Variants in TINAG observed in about 807,000 individuals in gnomAD.
TINAG encodes tubulointerstitial nephritis antigen.
A neutral mutation model predicts 72.7 loss-of-function variants in TINAG; 83 were observed. The observed-to-expected ratio is 1.14, with a 90% CI of 0.96 to 1.37. The LOEUF is 1.37. TINAG is among the 40% of genes most tolerant of loss of function. The probability of loss-of-function intolerance (pLI) is 0.00; values close to 1 mark genes in which losing one functional copy is unlikely to be tolerated. For missense variants in TINAG, 685 were observed against 576.6 expected (o/e 1.19, Z -1.93); for synonymous variants, 234 against 189.9 (o/e 1.23, Z -1.91).
At chr6:54,377,579 T>A (rs748050655) in intron 9 of TINAG, among the ~76,000 whole-genome samples, 2 of 151,990 alleles carry the variant, frequency 1.3e-5, no homozygotes, top group Non-Finnish European at 2.9e-5. Context: ...TCTAAACAAA[T>A]GTTTGTAAAT....
At chr6:54,326,950 T>C in intron 4 of TINAG, 34 bp downstream of exon 4, 1 of 1,612,712 alleles carries the variant, frequency 6.2e-7, no homozygotes, top group African/African-American at 1.3e-5. Context: ...TATGTGCATG[T>C]ATTTGTAAAA....
At chr6:54,354,162 T>C (rs551225516) in intron 8 of TINAG, among the ~76,000 whole-genome samples, 30 of 151,996 alleles carry the variant, frequency 2.0e-4, no homozygotes, top group Admixed American at 5.3e-4. Flanking sequence ...AAAAGGCTTG[T>C]GGTAAAGCAC....
intron 4 of TINAG, among the ~76,000 whole-genome samples, chr6:54,339,414 C>T (rs1011374748): frequency 6.6e-6 from 1 of 152,014 alleles, no homozygotes; most frequent in African/African-American, 2.4e-5. Flanking sequence ...ACATTTCTGC[C>T]AACAGAAAAA....
intron 10 of TINAG, among the ~76,000 whole-genome samples, chr6:54,388,968 A>G (rs965043578): frequency 6.6e-6 from 1 of 152,122 alleles, no homozygotes; most frequent in Non-Finnish European, 1.5e-5. Flanking sequence ...TTGATGTCAT[A>G]TAGGATAATG....
chr6:54,356,841 A>G (rs1203558252), intron 9 of TINAG, among the ~76,000 whole-genome samples: 1 of 151,716 alleles, frequency 6.6e-6, no homozygotes, highest in African/African-American at 2.4e-5. Flanking sequence ...GGACATGCAG[A>G]AGCAATTTCT....
At chr6:54,385,807 G>T (rs778574320) in intron 10 of TINAG, among the ~76,000 whole-genome samples, 5 of 150,330 alleles carry the variant, frequency 3.3e-5, no homozygotes, top group Non-Finnish European at 4.4e-5. Flanking sequence ...GGAATGCAAG[G>T]TTGGTTTCAA....
intron 4 of TINAG, among the ~76,000 whole-genome samples, chr6:54,329,726 C>T (rs1009928458): frequency 1.3e-5 from 2 of 151,856 alleles, no homozygotes; most frequent in Admixed American, 1.3e-4. Flanking sequence ...ATTCAGGAGA[C>T]CCATCTCACA....
At chr6:54,387,094 CT>C (rs1764119400) in intron 10 of TINAG, among the ~76,000 whole-genome samples, 1 of 152,072 alleles carries the variant, frequency 6.6e-6, no homozygotes, top group Non-Finnish European at 1.5e-5. Flanking sequence ...TAAAATAGAA[CT>C]CTTAAACAGA....
chr6:54,345,926 A>G (rs1460426511), intron 5 of TINAG, among the ~76,000 whole-genome samples: 8 of 151,930 alleles, frequency 5.3e-5, no homozygotes, highest in Admixed American at 2.0e-4. Context: ...GGACACTAAC[A>G]ATTTTGATGA....
rs531393622 is a variant in TINAG at position 54,373,295 on chromosome 6, T to C, written c.1251-7231T>C. On this transcript the variant is annotated intron_variant, in intron 9 of 10. Coordinates refer to ENST00000259782, the MANE Select transcript of TINAG (RefSeq NM_014464.4). ...TCTCTTCCAAAACTTTCACGATTTCTCTGTGAATGCATGAAGGCCACCTCC... is the reference window on the plus strand; with the variant it reads ...TCTCTTCCAAAACTTTCACGATTTCCCTGTGAATGCATGAAGGCCACCTCC... Among the ~76,000 whole-genome samples, 4 of 152,258 alleles carry C rather than the reference T, an allele frequency of 2.6e-5. No homozygotes were observed. The East Asian group carries it at 7.7e-4, about 29-fold the overall frequency.
chr6:54,347,387 G>T lies in TINAG; in HGVS notation c.769G>T (p.Ala257Ser). Residue 257 changes from alanine to serine, a missense_variant, in exon 6 of 11, where the codon GCA becomes TCA. Physicochemically the swap from Ala to Ser is moderately conservative, Grantham distance 99 (BLOSUM62 1). Transcript: ENST00000259782. ...AACAGGTGTGGCTGCTGACCGAATA[G>T]CAATTCAGTCTAAGGGTCGATACAC... The part of the protein sequence containing the change: ...STASVAADRI[A>S]IQSKGRYTAN... 6.2e-7 allele frequency: 1 copy of T among 1,612,660 alleles called. No homozygotes were observed. Among genetic ancestry groups the T allele is most frequent in the Non-Finnish European group, 8.5e-7 (1 of 1,179,270 alleles).
At chr6:54,378,224 C>G (rs892592974) in intron 9 of TINAG, among the ~76,000 whole-genome samples, 1 of 152,026 alleles carries the variant, frequency 6.6e-6, no homozygotes, top group Non-Finnish European at 1.5e-5. Flanking sequence ...AGGTTAACAC[C>G]TTTTGTTAAT....
intron 9 of TINAG, 42 bp from the exon 10 acceptor site, chr6:54,380,484 C>A: frequency 6.4e-7 from 1 of 1,554,952 alleles, no homozygotes; most frequent in Non-Finnish European, 8.8e-7. Context: ...GCAAACCAAA[C>A]ATTTTAACCA....
chr6:54,366,853 G>GT (rs1763441763), intron 9 of TINAG, among the ~76,000 whole-genome samples: 1 of 151,588 alleles, frequency 6.6e-6, no homozygotes, highest in Non-Finnish European at 1.5e-5. Flanking sequence ...AGCAGGAAAT[G>GT]CCTAATCTCA....
intron 9 of TINAG, among the ~76,000 whole-genome samples, chr6:54,375,288 T>C (rs1763746446): frequency 1.3e-5 from 2 of 152,144 alleles, no homozygotes; most frequent in Non-Finnish European, 2.9e-5. Context: ...TTCTTTGTTC[T>C]TAGGCTTATT....
chr6:54,343,460 A>T, intron 5 of TINAG, 111 bp downstream of exon 5: 1 of 1,028,190 alleles, frequency 9.7e-7, no homozygotes, highest in Non-Finnish European at 1.3e-6. Flanking sequence ...TTAGCATATG[A>T]TCAAATAAAA....
At chr6:54,318,234 G>C (rs1321323368) in intron 1 of TINAG, among the ~76,000 whole-genome samples, 1 of 152,138 alleles carries the variant, frequency 6.6e-6, no homozygotes, top group Admixed American at 6.6e-5. Flanking sequence ...CTTAACTCTT[G>C]TCTTTTATAA....
At chr6:54,331,914 A>T (rs1338286554) in intron 4 of TINAG, among the ~76,000 whole-genome samples, 1 of 152,196 alleles carries the variant, frequency 6.6e-6, no homozygotes, top group African/African-American at 2.4e-5. Context: ...GATGTGAAGG[A>T]TCTCTTCAAG....
chr6:54,344,657 A>T (rs1366081338), intron 5 of TINAG, among the ~76,000 whole-genome samples: 2 of 152,186 alleles, frequency 1.3e-5, no homozygotes, highest in South Asian at 2.1e-4. Flanking sequence ...GTGGTGAAAT[A>T]CTGAAAGCAA....
Sources: gnomAD v4.1 joint callset for allele counts (sites outside exome capture counted in the v4.1 genomes callset) on GRCh38, gnomAD v4.1.1 for gene constraint, MANE v1.5 for transcripts, NCBI Gene and HGNC (gene_info 2026-07-23, HGNC 2026-07-21) for gene names.